The following LHFPL3 variants were observed in gnomAD, a reference collection of about 807,000 sequenced individuals.
LHFPL3 encodes LHFPL tetraspan subfamily member 3 protein.
Under a neutral mutation model 19.3 loss-of-function variants are expected in LHFPL3, and 5 were observed. The observed-to-expected ratio is 0.26, with a 90% confidence interval of 0.14 to 0.54. The LOEUF (loss-of-function observed/expected upper bound fraction) is 0.54, where lower values mean the gene tolerates loss of function less well. Among genes scored for constraint, LHFPL3 ranks in the 20% least tolerant of loss-of-function variants. The pLI is 0.94. For synonymous variants in LHFPL3, 133 were observed against 126.2 expected, an observed-to-expected ratio of 1.05 and a Z score of -0.36; for missense variants, 249 against 307.4, an observed-to-expected ratio of 0.81 and a Z score of 1.42.
chr7:104,602,344 T>C (rs917798395), intron 1 of LHFPL3, among the ~76,000 whole-genome samples: 20 of 152,172 alleles, frequency 1.3e-4, no homozygotes, highest in African/African-American at 2.7e-4. Flanking sequence ...CTATAGACAG[T>C]TTGTCTTTGT....
At chr7:104,588,741 A>G (rs1790640127) in intron 1 of LHFPL3, among the ~76,000 whole-genome samples, 1 of 152,218 alleles carries the variant, frequency 6.6e-6, no homozygotes. Context: ...GATTCTTCCT[A>G]TCCACGAGTA....
intron 1 of LHFPL3, chr7:104,667,990 G>A (rs941551970): frequency 5.6e-6 from 9 of 1,613,338 alleles, no homozygotes; most frequent in East Asian, 4.5e-5. Context: ...CGGGCTGCTC[G>A]GGAACCCAAT....
chr7:104,669,041 G>A, intron 1 of LHFPL3: 1 of 1,612,142 alleles, frequency 6.2e-7, no homozygotes, highest in Non-Finnish European at 8.5e-7. Flanking sequence ...ACCACATCTG[G>A]CAGAAATGCA....
chr7:104,493,105 C>T (rs1793389736), intron 1 of LHFPL3, among the ~76,000 whole-genome samples: 1 of 152,182 alleles, frequency 6.6e-6, no homozygotes, highest in Non-Finnish European at 1.5e-5. Flanking sequence ...TGTCATTTCA[C>T]TACTGTTCCT....
rs562029278 is a variant in LHFPL3 at position 104,484,422 on chromosome 7, G to A, written c.445+155198G>A. Among the ~76,000 whole-genome samples the A allele has an allele frequency of 4.6e-5, 7 of 152,292 alleles. No individual in the cohort carries two copies. The East Asian group carries it at 9.6e-4, about 21-fold the overall frequency. On this transcript the variant is annotated intron_variant, in intron 1 of 2. Coordinates refer to ENST00000424859, the MANE Select transcript of LHFPL3 (RefSeq NM_199000.3). Reference sequence around the variant, plus strand: ...GCTGGGCCAAAGTGCTGAGGATGGAGCATGTTAGTGAGGGGGCCCGGGAGA... The same window carrying A: ...GCTGGGCCAAAGTGCTGAGGATGGAACATGTTAGTGAGGGGGCCCGGGAGA...
chr7:104,400,303 A>G (rs1157442362), intron 1 of LHFPL3, among the ~76,000 whole-genome samples: 1 of 152,030 alleles, frequency 6.6e-6, no homozygotes, highest in East Asian at 1.9e-4. Flanking sequence ...CTGCTAATTA[A>G]CTATTGTTGG....
At chr7:104,651,626 A>G (rs542677952) in intron 1 of LHFPL3, among the ~76,000 whole-genome samples, 1 of 152,374 alleles carries the variant, frequency 6.6e-6, no homozygotes, top group South Asian at 2.1e-4. Context: ...TTATAAAAGC[A>G]TACAATAGAA....
chr7:104,530,791 GT>G (rs1451712339), intron 1 of LHFPL3, among the ~76,000 whole-genome samples: 1 of 152,150 alleles, frequency 6.6e-6, no homozygotes, highest in Non-Finnish European at 1.5e-5. Flanking sequence ...TATTTTAAAG[GT>G]TTAGATTGCA....
At chr7:104,656,702 C>G (rs1016240245) in intron 1 of LHFPL3, among the ~76,000 whole-genome samples, 1 of 152,204 alleles carries the variant, frequency 6.6e-6, no homozygotes, top group African/African-American at 2.4e-5. Flanking sequence ...CACAGCATTC[C>G]CCTTCCACCT....
At chr7:104,670,704 G>C (rs1168266401) in intron 1 of LHFPL3, among the ~76,000 whole-genome samples, 1 of 152,136 alleles carries the variant, frequency 6.6e-6, no homozygotes, top group Non-Finnish European at 1.5e-5. Context: ...TAGAATAATG[G>C]ATGGTCTTGG....
intron 1 of LHFPL3, among the ~76,000 whole-genome samples, chr7:104,512,722 T>G (rs2115775830): frequency 6.7e-6 from 1 of 149,234 alleles, no homozygotes; most frequent in African/African-American, 2.5e-5. Flanking sequence ...AGCGACAGAG[T>G]GAGGACACCT....
chr7:104,588,385 G>A lies in LHFPL3; in HGVS notation c.446-148290G>A, dbSNP rs145001322. Among the ~76,000 whole-genome samples the A allele has an allele frequency of 3.4e-4, 52 of 152,186 alleles. 1 individual carries two copies. The East Asian group carries it at 7.9e-3, about 23-fold the overall frequency. ...TTACTAAATAGGGAATCATTTCCCCGTTGCTTGTTTTTGTCAGGTTTGTCA... is the reference window on the plus strand; with the variant it reads ...TTACTAAATAGGGAATCATTTCCCCATTGCTTGTTTTTGTCAGGTTTGTCA... On this transcript the variant is annotated intron_variant, in intron 1 of 2. Coordinates refer to ENST00000424859, the MANE Select transcript of LHFPL3 (RefSeq NM_199000.3).
chr7:104,683,053 G>C (rs1224327790), intron 1 of LHFPL3, among the ~76,000 whole-genome samples: 1 of 152,140 alleles, frequency 6.6e-6, no homozygotes, highest in Non-Finnish European at 1.5e-5. Context: ...TCAGTGCCGT[G>C]ATCTCGGCTC....
At chr7:104,476,008 A>G (rs1793005058) in intron 1 of LHFPL3, among the ~76,000 whole-genome samples, 1 of 152,048 alleles carries the variant, frequency 6.6e-6, no homozygotes, top group Non-Finnish European at 1.5e-5. Flanking sequence ...GCCTGGGTGT[A>G]GCATGCCTTG....
intron 1 of LHFPL3, among the ~76,000 whole-genome samples, chr7:104,338,026 AAG>A (rs1212123290): frequency 2.0e-5 from 3 of 152,138 alleles, no homozygotes; most frequent in Non-Finnish European, 1.5e-5. Flanking sequence ...CTTGGATTAA[AAG>A]AGAGTAGAAA....
chr7:104,813,565 A>G (rs10249687), intron 2 of LHFPL3, among the ~76,000 whole-genome samples: 151,298 of 152,242 alleles, frequency 0.99, 75,188 homozygotes, highest in Middle Eastern at 1. Context: ...CATGCCTGCT[A>G]AGGGTGAGTC....
rs576929775 is a variant in LHFPL3, at chr7:104,494,449, T to C, written c.445+165225T>C. ...CACACTGTTCTCTCTTTGTTAATTATGTTCCTTTTGCTGAGATCTCTCCTC... is the reference window on the plus strand; with the variant it reads ...CACACTGTTCTCTCTTTGTTAATTACGTTCCTTTTGCTGAGATCTCTCCTC... On this transcript the variant is annotated intron_variant, in intron 1 of 2. Coordinates refer to ENST00000424859, the MANE Select transcript of LHFPL3 (RefSeq NM_199000.3). 1.8e-4 allele frequency among the ~76,000 whole-genome samples: 27 copies of C among 152,324 alleles called. No homozygotes were observed. In the South Asian group the frequency reaches 4.6e-3, roughly 26 times the overall value.
intron 1 of LHFPL3, among the ~76,000 whole-genome samples, chr7:104,347,962 T>G (rs1248918589): frequency 6.6e-6 from 1 of 152,112 alleles, no homozygotes; most frequent in East Asian, 1.9e-4. Context: ...AATCCAAAGC[T>G]TTCTATTAGA....
chr7:104,426,685 C>T (rs766142841), intron 1 of LHFPL3, among the ~76,000 whole-genome samples: 2 of 152,188 alleles, frequency 1.3e-5, no homozygotes, highest in Admixed American at 1.3e-4. Context: ...TTAACTTTGT[C>T]CTGACAGTTC....
Sources: gnomAD v4.1 joint callset for allele counts (sites outside exome capture counted in the v4.1 genomes callset) on GRCh38, gnomAD v4.1.1 for gene constraint, MANE v1.5 for transcripts, NCBI Gene and HGNC (gene_info 2026-07-23, HGNC 2026-07-21) for gene names.